DMD: variants seen among roughly 807,000 people sequenced by gnomAD.
DMD encodes dystrophin.
A neutral mutation model predicts 330.1 loss-of-function variants in DMD; 63 were observed. The observed-to-expected ratio is 0.19, with a 90% CI of 0.16 to 0.24. DMD has a LOEUF of 0.24. Among genes scored for constraint, DMD ranks in the 10% least tolerant of loss-of-function variants. The pLI is 1.00. For missense variants in DMD, 3,344 were observed against 2,684.1 expected, an observed-to-expected ratio of 1.25 and a Z score of -5.43; for synonymous variants, 1,223 against 959.8, an observed-to-expected ratio of 1.27 and a Z score of -5.07.
intron 17 of DMD, among the ~76,000 whole-genome samples, chrX:32,525,099 G>A (rs2046821170): frequency 9.0e-6 from 1 of 111,496 alleles, no homozygotes; most frequent in African/African-American, 3.3e-5. Context: ...TGGGAAACAG[G>A]TGGACACTGA....
At chrX:32,502,752 T>A (rs2044183582) in intron 18 of DMD, among the ~76,000 whole-genome samples, 1 of 112,124 alleles carries the variant, frequency 8.9e-6, no homozygotes, top group Admixed American at 9.5e-5. Context: ...TACATGAGAC[T>A]ATTTTTTAAG....
rs185327184 is a variant in DMD at position 31,363,371 on chromosome X, T to A, written c.9085-14737A>T. On this transcript the variant is annotated intron_variant, in intron 60 of 78. Coordinates refer to ENST00000357033, the MANE Select transcript of DMD (RefSeq NM_004006.3). ...TCTTTCAGTACACATAAGACATGTATCTTTTTTTTTTTTTTTTTTTTTTTT... is the reference window on the plus strand; with the variant it reads ...TCTTTCAGTACACATAAGACATGTAACTTTTTTTTTTTTTTTTTTTTTTTT... 5.6e-3 allele frequency among the ~76,000 whole-genome samples: 507 copies of A among 89,816 alleles called. 4 individuals are homozygous for A. The highest frequency in any genetic ancestry group is 8.6e-3 in the Admixed American group (67 of 7,832). The allele number at this position is 89,816 out of a possible 115,157, so 78.0% of individuals were successfully genotyped here.
chrX:31,931,153 T>G (rs1366935899), intron 46 of DMD, among the ~76,000 whole-genome samples: 1 of 111,625 alleles, frequency 9.0e-6, no homozygotes, highest in Non-Finnish European at 1.9e-5. Context: ...AAAATGAGGA[T>G]AATAGCAACC....
chrX:32,894,368 CAGG>C (rs879154884), intron 2 of DMD, among the ~76,000 whole-genome samples: 2 of 112,063 alleles, frequency 1.8e-5, no homozygotes, highest in East Asian at 2.8e-4. Flanking sequence ...GTGGGCTGGA[CAGG>C]AGAAGTGCCT....
chrX:31,562,636 T>C (rs1280211757), intron 55 of DMD, among the ~76,000 whole-genome samples: 2 of 112,088 alleles, frequency 1.8e-5, no homozygotes, highest in Non-Finnish European at 3.8e-5. Context: ...TTGTACTGGG[T>C]TGTTTGAATT....
chrX:32,887,483 C>T (rs1194587914), intron 2 of DMD, among the ~76,000 whole-genome samples: 1 of 109,691 alleles, frequency 9.1e-6, no homozygotes, highest in Non-Finnish European at 1.9e-5. Context: ...TGAGAGGTGG[C>T]TCATGCCTGT....
intron 44 of DMD, among the ~76,000 whole-genome samples, chrX:31,991,790 C>T (rs371038854): frequency 6.8e-4 from 73 of 106,723 alleles, no homozygotes; most frequent in African/African-American, 2.3e-3. Context: ...AGGGGAATAT[C>T]GCAGTGGTAT....
chrX:32,946,294 G>A (rs181549967), intron 2 of DMD, among the ~76,000 whole-genome samples: 1 of 109,909 alleles, frequency 9.1e-6, no homozygotes, highest in East Asian at 2.8e-4. Context: ...TTTTTAAATG[G>A]CCTACTTTTT....
At chrX:32,825,368 G>T (rs1369095988) in intron 4 of DMD, among the ~76,000 whole-genome samples, 1 of 110,682 alleles carries the variant, frequency 9.0e-6, no homozygotes, top group South Asian at 3.8e-4. Flanking sequence ...CTCATAAAAG[G>T]TCTCATAAGG....
chrX:32,916,512 C>T (rs1359887999), intron 2 of DMD, among the ~76,000 whole-genome samples: 3 of 111,655 alleles, frequency 2.7e-5, no homozygotes, highest in Non-Finnish European at 3.8e-5. Flanking sequence ...TTACCTCTGA[C>T]AGTAGGTGAT....
chrX:32,173,876 T>G (rs2096897046), intron 44 of DMD, among the ~76,000 whole-genome samples: 2 of 111,743 alleles, frequency 1.8e-5, no homozygotes, highest in Admixed American at 9.6e-5. Context: ...TGATATACCA[T>G]AAGAGGCTAT....
At chrX:31,323,144 G>A (rs1008852883) in intron 62 of DMD, among the ~76,000 whole-genome samples, 5 of 111,945 alleles carry the variant, frequency 4.5e-5, no homozygotes. Flanking sequence ...CCTACGAGTC[G>A]AGGACTGCTG....
rs2040681074 is a variant in DMD, at chrX:31,177,803, G to A, written c.10262+129C>T. 5.0e-6 allele frequency: 3 copies of A among 599,865 alleles called. No homozygotes were observed. The Admixed American group carries it at 1.0e-4, about 21-fold the overall frequency. The allele number at this position is 599,865 out of a possible 1,213,427, so 49.4% of individuals were successfully genotyped here. ...AAGAAAAAAAAAAACTGAAATGAAG[G>A]AAGGGGAATTAATATGTCCATAAAA... On this transcript the variant is annotated intron_variant, in intron 71 of 78. Coordinates refer to ENST00000357033, the MANE Select transcript of DMD (RefSeq NM_004006.3).
chrX:32,633,499 CA>C (rs2058883820), intron 11 of DMD, among the ~76,000 whole-genome samples: 1 of 111,877 alleles, frequency 8.9e-6, no homozygotes, highest in Non-Finnish European at 1.9e-5. Flanking sequence ...CTGAGCCCTC[CA>C]AACTCATCCA....
intron 47 of DMD, among the ~76,000 whole-genome samples, chrX:31,902,496 G>T (rs937574361): frequency 1.8e-5 from 2 of 111,752 alleles, no homozygotes; most frequent in African/African-American, 6.5e-5. Flanking sequence ...GCAACATATA[G>T]TGGTTTATAA....
chrX:31,122,841 C>T (rs926235962), intron 78 of DMD, among the ~76,000 whole-genome samples: 12 of 111,752 alleles, frequency 1.1e-4, no homozygotes, highest in African/African-American at 3.3e-4. Flanking sequence ...CTGGGTACTT[C>T]GTAGCAAAAT....
At chrX:32,113,301 T>C (rs772253487) in intron 44 of DMD, among the ~76,000 whole-genome samples, 2 of 112,349 alleles carry the variant, frequency 1.8e-5, no homozygotes, top group Non-Finnish European at 3.8e-5. Context: ...ATAGCTATAA[T>C]AAAATACGTG....
chrX:33,291,846 C>T (rs2053516643), intron 1 of DMD, among the ~76,000 whole-genome samples: 1 of 111,593 alleles, frequency 9.0e-6, no homozygotes, highest in African/African-American at 3.2e-5. Flanking sequence ...TTGATGGCTG[C>T]ATAATTTGCT....
At chrX:33,105,349 C>T (rs1274093061) in intron 1 of DMD, among the ~76,000 whole-genome samples, 1 of 111,653 alleles carries the variant, frequency 9.0e-6, no homozygotes, top group Non-Finnish European at 1.9e-5. Context: ...AGGAAAAACT[C>T]TCCTGGACAT....
Sources: gnomAD v4.1 joint callset for allele counts (sites outside exome capture counted in the v4.1 genomes callset) on GRCh38, gnomAD v4.1.1 for gene constraint, MANE v1.5 for transcripts, NCBI Gene and HGNC (gene_info 2026-07-23, HGNC 2026-07-21) for gene names.